Variants in MAPK8 observed in about 807,000 individuals in gnomAD.
MAPK8 encodes mitogen-activated protein kinase 8.
In MAPK8, 13 loss-of-function variants were observed where a neutral mutation model predicts 52.9. The ratio of observed to expected loss-of-function variants is 0.25; its 90% CI spans 0.16 to 0.39. The LOEUF is 0.39. Among genes scored for constraint, MAPK8 ranks in the 10% least tolerant of loss-of-function variants. The pLI, the probability that MAPK8 is intolerant of heterozygous loss-of-function variation, is 1.00. For synonymous variants in MAPK8, 191 were observed against 169.8 expected (o/e 1.12, Z -0.97); for missense variants, 300 against 519.2 (o/e 0.58, Z 4.10).
chr10:48,410,190 C>A, intron 5 of MAPK8, 22 bp downstream of exon 5: 1 of 1,469,724 alleles, frequency 6.8e-7, no homozygotes, highest in East Asian at 2.4e-5. Context: ...AAACTATCGT[C>A]ATACTCTTTG....
At chr10:48,344,959 A>G (rs1845624992) in intron 1 of MAPK8, among the ~76,000 whole-genome samples, 1 of 152,230 alleles carries the variant, frequency 6.6e-6, no homozygotes, top group Non-Finnish European at 1.5e-5. Context: ...CTAAAAGAAA[A>G]TCATCTAAAA....
intron 1 of MAPK8, among the ~76,000 whole-genome samples, chr10:48,346,486 C>T (rs1323199248): frequency 3.3e-5 from 5 of 152,228 alleles, no homozygotes; most frequent in East Asian, 1.9e-4. Context: ...CCAGGCGGAT[C>T]GTGGTCCAGC....
At chr10:48,388,814 G>T (rs1283301413) in intron 1 of MAPK8, among the ~76,000 whole-genome samples, 5 of 152,120 alleles carry the variant, frequency 3.3e-5, no homozygotes, top group African/African-American at 1.2e-4. Flanking sequence ...TCAGACCTAG[G>T]CTGGCTTACT....
intron 5 of MAPK8, among the ~76,000 whole-genome samples, chr10:48,416,307 G>A (rs1031503902): frequency 1.3e-5 from 2 of 152,168 alleles, no homozygotes; most frequent in African/African-American, 4.8e-5. Context: ...TTCTTTGCTT[G>A]GAAGTGACAC....
chr10:48,388,200 C>T (rs941905429), intron 1 of MAPK8, among the ~76,000 whole-genome samples: 2 of 152,128 alleles, frequency 1.3e-5, no homozygotes, highest in African/African-American at 4.8e-5. Context: ...TCTTACTAAT[C>T]GTGTATTTGT....
At chr10:48,387,006 T>C (rs1157502122) in intron 1 of MAPK8, among the ~76,000 whole-genome samples, 2 of 152,230 alleles carry the variant, frequency 1.3e-5, no homozygotes, top group Non-Finnish European at 2.9e-5. Flanking sequence ...TAAGGGACAG[T>C]TTCTTGTTGA....
chr10:48,350,709 G>A (rs1479284065), intron 1 of MAPK8, among the ~76,000 whole-genome samples: 1 of 152,164 alleles, frequency 6.6e-6, no homozygotes, highest in Non-Finnish European at 1.5e-5. Flanking sequence ...ACCAGCACAA[G>A]GCAAGGATGT....
At chr10:48,332,711 A>C (rs560779496) in intron 1 of MAPK8, among the ~76,000 whole-genome samples, 38 of 152,328 alleles carry the variant, frequency 2.5e-4, no homozygotes, top group African/African-American at 9.1e-4. Flanking sequence ...TACATGAACT[A>C]TGGCTACCTC....
intron 1 of MAPK8, among the ~76,000 whole-genome samples, chr10:48,338,298 A>G (rs541392586): frequency 1.3e-5 from 2 of 152,132 alleles, no homozygotes; most frequent in Non-Finnish European, 2.9e-5. Context: ...GATGGTTCAG[A>G]ATATACAAAT....
At chr10:48,349,898 G>T (rs538800982) in intron 1 of MAPK8, among the ~76,000 whole-genome samples, 39 of 152,144 alleles carry the variant, frequency 2.6e-4, no homozygotes, top group Middle Eastern at 3.4e-3. Context: ...AAAGATAAAA[G>T]AATCAAATAG....
At chr10:48,314,327 T>G (rs1013442955) in intron 1 of MAPK8, among the ~76,000 whole-genome samples, 4 of 152,146 alleles carry the variant, frequency 2.6e-5, no homozygotes, top group African/African-American at 9.7e-5. Context: ...GAGGCTTAGT[T>G]AACTCCTAAA....
At chr10:48,428,653 A>G (rs2043878011) in intron 10 of MAPK8, among the ~76,000 whole-genome samples, 1 of 152,264 alleles carries the variant, frequency 6.6e-6, no homozygotes, top group African/African-American at 2.4e-5. Flanking sequence ...ATAAAATTGG[A>G]TAGAGTCTGC....
chr10:48,335,750 G>A (rs1844624599), intron 1 of MAPK8, among the ~76,000 whole-genome samples: 1 of 152,174 alleles, frequency 6.6e-6, no homozygotes, highest in African/African-American at 2.4e-5. Flanking sequence ...TATAGCAACA[G>A]TGCTTATGTA....
At chr10:48,357,937 G>GT (rs1309966863) in intron 1 of MAPK8, among the ~76,000 whole-genome samples, 1 of 152,116 alleles carries the variant, frequency 6.6e-6, no homozygotes, top group Non-Finnish European at 1.5e-5. Flanking sequence ...GATATTTCAT[G>GT]TTAATTGAAT....
intron 5 of MAPK8, among the ~76,000 whole-genome samples, chr10:48,415,564 C>T (rs551180897): frequency 1.3e-5 from 2 of 152,204 alleles, no homozygotes; most frequent in Non-Finnish European, 2.9e-5. Context: ...ATAACACAAA[C>T]ATTCGTAGCT....
rs147168789 is a variant in MAPK8, at chr10:48,426,465, G to A, written c.957G>A (p.Pro319=). 475 of 1,611,700 alleles carry A rather than the reference G, an allele frequency of 2.9e-4. 1 individual carries two copies. The highest frequency in any genetic ancestry group is 6.6e-4 in the Middle Eastern group (4 of 6,058). Residue 319 remains proline, a synonymous_variant, in exon 9 of 12, where the codon CCG becomes CCA. Coordinates refer to ENST00000374189, the MANE Select transcript of MAPK8 (RefSeq NM_001323329.2). ...RISVDEALQH[P]YINVWYDPSE... The stretch of plus-strand genomic sequence containing the variant: ...CTGTAGATGAAGCTCTCCAACACCC[G>A]TACATCAATGTCTGGTATGATCCTT...
intron 1 of MAPK8, among the ~76,000 whole-genome samples, chr10:48,394,422 G>A (rs996838699): frequency 4.6e-5 from 7 of 151,864 alleles, no homozygotes; most frequent in Admixed American, 4.6e-4. Flanking sequence ...TTCCATGAAT[G>A]CAAGGGTGGT....
At chr10:48,431,619 T>A (rs1298511256) in intron 11 of MAPK8, among the ~76,000 whole-genome samples, 1 of 152,214 alleles carries the variant, frequency 6.6e-6, no homozygotes, top group East Asian at 1.9e-4. Context: ...AAATAAAAGC[T>A]TCACTGCAAA....
At chr10:48,394,299 G>T (rs2132883581) in intron 1 of MAPK8, among the ~76,000 whole-genome samples, 1 of 151,984 alleles carries the variant, frequency 6.6e-6, no homozygotes, top group Middle Eastern at 3.4e-3. Context: ...TAATATGAAA[G>T]AAAACTACAG....
Sources: gnomAD v4.1 joint callset for allele counts (sites outside exome capture counted in the v4.1 genomes callset) on GRCh38, gnomAD v4.1.1 for gene constraint, MANE v1.5 for transcripts, NCBI Gene and HGNC (gene_info 2026-07-23, HGNC 2026-07-21) for gene names.